KCTD16: variants seen among roughly 807,000 people sequenced by gnomAD.
KCTD16 encodes potassium channel tetramerization domain containing 16, also known as BTB/POZ domain-containing protein KCTD16.
Under a neutral mutation model 33.2 loss-of-function variants are expected in KCTD16, and 13 were observed. That is an observed-to-expected ratio of 0.39 (90% CI 0.25 to 0.62). The LOEUF (loss-of-function observed/expected upper bound fraction) is 0.62, where lower values mean the gene tolerates loss of function less well. Ranked by LOEUF, KCTD16 falls within the 20% of genes least tolerant of loss-of-function variation. The pLI, the probability that KCTD16 is intolerant of heterozygous loss-of-function variation, is 0.50. For synonymous variants in KCTD16, 197 were observed against 195.3 expected, an observed-to-expected ratio of 1.01 and a Z score of -0.07; for missense variants, 441 against 525.1, an observed-to-expected ratio of 0.84 and a Z score of 1.57.
At position 144,216,974 on chromosome 5, in the gene KCTD16, CT is replaced by C. The variant is rs58187514; in HGVS notation, c.832+9434del. ...GACAGCTAAGCTCTGGTAGTGGTAACTTTTTTGTAAAGGGGACTCTGGAGCA... is the reference window on the plus strand; with the variant it reads ...GACAGCTAAGCTCTGGTAGTGGTAACTTTTTGTAAAGGGGACTCTGGAGCA... On this transcript the variant is annotated intron_variant, in intron 3 of 3. Transcript: ENST00000512467. Among the ~76,000 whole-genome samples the C allele has an allele frequency of 5.3e-3, 807 of 152,102 alleles. 11 individuals carry two copies. The highest frequency in any genetic ancestry group is 0.018 in the African/African-American group (765 of 41,474).
chr5:144,185,839 A>G (rs1187020982), intron 2 of KCTD16, among the ~76,000 whole-genome samples: 1 of 152,218 alleles, frequency 6.6e-6, no homozygotes, highest in African/African-American at 2.4e-5. Context: ...AGTACTTACT[A>G]TATAATAAAT....
At chr5:144,257,809 C>T (rs545524729) in intron 3 of KCTD16, among the ~76,000 whole-genome samples, 1 of 152,156 alleles carries the variant, frequency 6.6e-6, no homozygotes, top group Admixed American at 6.5e-5. Context: ...TTATTAGATT[C>T]TTGGGGAATC....
chr5:144,350,816 A>T (rs1209224799), intron 3 of KCTD16, among the ~76,000 whole-genome samples: 1 of 151,076 alleles, frequency 6.6e-6, no homozygotes, highest in Non-Finnish European at 1.5e-5. Flanking sequence ...ATTTCCACAG[A>T]CAGTGATTAT....
intron 3 of KCTD16, among the ~76,000 whole-genome samples, chr5:144,289,541 C>T (rs529132456): frequency 4.6e-5 from 7 of 152,280 alleles, no homozygotes; most frequent in Admixed American, 1.3e-4. Flanking sequence ...ATTCCATGCT[C>T]GTACTTTCCT....
intron 3 of KCTD16, among the ~76,000 whole-genome samples, chr5:144,225,846 A>G (rs1303968540): frequency 6.6e-6 from 1 of 152,208 alleles, no homozygotes; most frequent in East Asian, 1.9e-4. Context: ...ATTTGGGAAC[A>G]TAATTTTGTT....
intron 3 of KCTD16, among the ~76,000 whole-genome samples, chr5:144,440,019 A>G (rs1411075462): frequency 6.6e-6 from 1 of 152,122 alleles, no homozygotes; most frequent in Non-Finnish European, 1.5e-5. Flanking sequence ...AGCAAAATGC[A>G]TTACTTAATG....
At chr5:144,462,568 T>C (rs1355968872) in intron 3 of KCTD16, among the ~76,000 whole-genome samples, 1 of 138,740 alleles carries the variant, frequency 7.2e-6, no homozygotes, top group Non-Finnish European at 1.6e-5. Context: ...TTTGGTTTCT[T>C]AAAAAAAAAA....
intron 3 of KCTD16, among the ~76,000 whole-genome samples, chr5:144,400,813 G>A (rs1359287943): frequency 6.6e-6 from 1 of 152,164 alleles, no homozygotes; most frequent in African/African-American, 2.4e-5. Context: ...TGGGCAATCA[G>A]AAAAGACCTC....
intron 3 of KCTD16, among the ~76,000 whole-genome samples, chr5:144,291,842 CA>C (rs1417560851): frequency 1.3e-5 from 2 of 152,160 alleles, no homozygotes; most frequent in African/African-American, 4.8e-5. Flanking sequence ...GTAATATTAG[CA>C]GTATCTTTGT....
intron 3 of KCTD16, among the ~76,000 whole-genome samples, chr5:144,335,645 A>G (rs1752467925): frequency 6.6e-6 from 1 of 152,180 alleles, no homozygotes; most frequent in Non-Finnish European, 1.5e-5. Context: ...AGTCCAGGGA[A>G]GGCTCCACAG....
chr5:144,198,792 T>C (rs1414003894), intron 2 of KCTD16, among the ~76,000 whole-genome samples: 1 of 152,234 alleles, frequency 6.6e-6, no homozygotes, highest in Admixed American at 6.5e-5. Context: ...GCAAATGTGC[T>C]TAGAGTTCTG....
chr5:144,258,912 C>G (rs935223741), intron 3 of KCTD16, among the ~76,000 whole-genome samples: 1 of 152,028 alleles, frequency 6.6e-6, no homozygotes, highest in Non-Finnish European at 1.5e-5. Context: ...GTCTCAAAAT[C>G]CTACTTTCTT....
intron 3 of KCTD16, among the ~76,000 whole-genome samples, chr5:144,299,132 A>AC (rs1751329869): frequency 3.5e-5 from 1 of 28,680 alleles, no homozygotes; most frequent in Non-Finnish European, 5.3e-5. Flanking sequence ...ATATATATAT[A>AC]TATATATATA....
intron 3 of KCTD16, among the ~76,000 whole-genome samples, chr5:144,282,244 A>G (rs140846752): frequency 1.0e-3 from 158 of 152,268 alleles, no homozygotes; most frequent in African/African-American, 3.7e-3. Context: ...GAGCCTCTAT[A>G]AAACCCAAAA....
Position 144,485,528 on chromosome 5 carries a change from T to G in KCTD16, c.*11414T>G, listed in dbSNP as rs1482141251. On this transcript the variant is annotated 3_prime_UTR_variant, in exon 4 of 4. Transcript: ENST00000512467. ...GTATGGTGAAAACTACAAAAGTCAT[T>G]CTGTGGATATATTTTAAAAGGAAGA... The G allele has an allele frequency of 6.6e-6, 1 of 151,918 alleles. No individual in the cohort carries two copies. Among genetic ancestry groups the G allele is most frequent in the African/African-American group, 2.4e-5 (1 of 41,420 alleles). 9.4% of individuals were successfully genotyped at this position (151,918 alleles called of 1,614,324 possible). A position where few individuals can be genotyped will look rare whatever the true frequency, so the allele number is the denominator to read the frequency against.
intron 3 of KCTD16, among the ~76,000 whole-genome samples, chr5:144,290,992 C>T (rs577541808): frequency 2.0e-5 from 3 of 151,982 alleles, no homozygotes; most frequent in Non-Finnish European, 4.4e-5. Flanking sequence ...CAGTGCAAGA[C>T]GTTAAAATAA....
intron 3 of KCTD16, among the ~76,000 whole-genome samples, chr5:144,286,122 C>T (rs1018470635): frequency 4.0e-5 from 6 of 151,810 alleles, no homozygotes; most frequent in South Asian, 2.1e-4. Flanking sequence ...TTGTTTTTTT[C>T]GCTTTGTTTT....
chr5:144,419,597 A>G (rs1458279947), intron 3 of KCTD16, among the ~76,000 whole-genome samples: 2 of 152,120 alleles, frequency 1.3e-5, no homozygotes, highest in East Asian at 3.9e-4. Flanking sequence ...AATGCCTTTT[A>G]TTTCCAGCTG....
chr5:144,393,712 C>T (rs1426194360), intron 3 of KCTD16, among the ~76,000 whole-genome samples: 1 of 152,084 alleles, frequency 6.6e-6, no homozygotes, highest in East Asian at 1.9e-4. Context: ...TTGGCCTATT[C>T]CCTGACAACC....
Sources: gnomAD v4.1 joint callset for allele counts (sites outside exome capture counted in the v4.1 genomes callset) on GRCh38, gnomAD v4.1.1 for gene constraint, MANE v1.5 for transcripts, NCBI Gene and HGNC (gene_info 2026-07-23, HGNC 2026-07-21) for gene names.